Variants in TENM1 observed in about 807,000 individuals in gnomAD.
The protein encoded by TENM1 is teneurin transmembrane protein 1, also known as teneurin-1.
In TENM1, 35 loss-of-function variants were observed where a neutral mutation model predicts 174.8. The ratio of observed to expected loss-of-function variants is 0.20; its 90% CI spans 0.15 to 0.27. The LOEUF (loss-of-function observed/expected upper bound fraction) is 0.27. TENM1 is among the 10% of genes least tolerant of loss of function. TENM1 has a pLI of 1.00. For synonymous variants in TENM1, 781 were observed against 798.7 expected (o/e 0.98, Z 0.37); for missense variants, 1,633 against 2,130.1 (o/e 0.77, Z 4.59).
At chrX:124,677,229 T>C (rs1282063893) in intron 5 of TENM1, among the ~76,000 whole-genome samples, 2 of 111,267 alleles carry the variant, frequency 1.8e-5, no homozygotes, top group African/African-American at 6.5e-5. Context: ...GATCTTGGAC[T>C]ACCTACATTT....
chrX:124,724,477 A>T (rs1317748368), intron 4 of TENM1, among the ~76,000 whole-genome samples: 1 of 112,116 alleles, frequency 8.9e-6, no homozygotes, highest in Non-Finnish European at 1.9e-5. Context: ...AGGTTGCTAT[A>T]GTCTGAATGT....
At chrX:125,123,401 A>G in the TENM1 span, among the ~76,000 whole-genome samples, 1 of 105,688 alleles carries the variant, frequency 9.5e-6, no homozygotes, top group Non-Finnish European at 1.9e-5. Flanking sequence ...CCTGAGCAAC[A>G]TGACAAAACT....
chrX:125,072,593 G>A, the TENM1 span, among the ~76,000 whole-genome samples: 1 of 111,345 alleles, frequency 9.0e-6, no homozygotes, highest in Non-Finnish European at 1.9e-5. Context: ...AGTTTTGAGG[G>A]GTGTAATGAA....
chrX:125,111,378 G>T, the TENM1 span, among the ~76,000 whole-genome samples: 1 of 110,760 alleles, frequency 9.0e-6, no homozygotes, highest in South Asian at 3.8e-4. Flanking sequence ...AGACCAGCCT[G>T]CCCAACACAG....
the TENM1 span, among the ~76,000 whole-genome samples, chrX:125,048,330 A>T: frequency 1.0e-5 from 1 of 97,640 alleles, no homozygotes; most frequent in Non-Finnish European, 2.0e-5. Context: ...GTGTGACCAT[A>T]GCTCACTGCA....
intron 3 of TENM1, among the ~76,000 whole-genome samples, chrX:124,865,752 G>T (rs1203405097): frequency 1.8e-5 from 2 of 111,211 alleles, no homozygotes; most frequent in African/African-American, 6.5e-5. Flanking sequence ...TTGATCTGTT[G>T]CCTACAATAA....
intron 1 of TENM1, among the ~76,000 whole-genome samples, chrX:124,957,200 T>C (rs966355161): frequency 5.7e-4 from 50 of 87,602 alleles, no homozygotes; most frequent in African/African-American, 4.8e-3. Flanking sequence ...GATGGATAGA[T>C]GGATGGATGG....
intron 8 of TENM1, 80 bp from the exon 12 acceptor site, chrX:124,646,890 A>G (rs2051173810): frequency 1.5e-6 from 1 of 682,562 alleles, no homozygotes; most frequent in African/African-American, 2.2e-5. Flanking sequence ...AAGTTGCAGG[A>G]ACTCTGGACC....
intron 3 of TENM1, among the ~76,000 whole-genome samples, chrX:124,753,096 G>A (rs749722963): frequency 3.7e-5 from 4 of 109,225 alleles, no homozygotes; most frequent in Admixed American, 9.7e-5. Flanking sequence ...CCATTTTCAC[G>A]ATATTGATTC....
chrX:124,845,110 A>C (rs1464917143), intron 3 of TENM1, among the ~76,000 whole-genome samples: 3 of 112,277 alleles, frequency 2.7e-5, no homozygotes, highest in Admixed American at 1.9e-4. Flanking sequence ...TAAAATTTAA[A>C]AATTACATAT....
the TENM1 span, among the ~76,000 whole-genome samples, chrX:125,069,435 C>T: frequency 2.7e-5 from 3 of 111,583 alleles, no homozygotes; most frequent in South Asian, 3.8e-4. Context: ...GACTTTGCTA[C>T]GGTGAATAGT....
the TENM1 span, among the ~76,000 whole-genome samples, chrX:125,039,647 A>C: frequency 3.6e-5 from 4 of 111,734 alleles, no homozygotes; most frequent in East Asian, 1.1e-3. Context: ...GGATGCTGTT[A>C]TTTAGTGACC....
chrX:124,500,463 A>G (rs1410500087), intron 19 of TENM1, among the ~76,000 whole-genome samples: 4 of 111,854 alleles, frequency 3.6e-5, no homozygotes, highest in Non-Finnish European at 7.5e-5. Context: ...ATCTTGATCA[A>G]TTACTGCTGC....
chrX:124,590,746 TA>T (rs1258305022), intron 11 of TENM1, among the ~76,000 whole-genome samples: 1 of 112,177 alleles, frequency 8.9e-6, no homozygotes, highest in Non-Finnish European at 1.9e-5. Context: ...AGATGTCTAC[TA>T]GGTCCAATTG....
intron 4 of TENM1, among the ~76,000 whole-genome samples, chrX:124,722,292 C>G (rs1428048455): frequency 8.9e-6 from 1 of 112,002 alleles, no homozygotes; most frequent in Non-Finnish European, 1.9e-5. Context: ...TCTGTGCATA[C>G]ATATGTCACT....
the TENM1 span, among the ~76,000 whole-genome samples, chrX:125,079,716 A>G: frequency 9.0e-6 from 1 of 111,212 alleles, no homozygotes; most frequent in Admixed American, 9.6e-5. Context: ...TTTTCATGGG[A>G]TTGAGAAAAG....
intron 3 of TENM1, among the ~76,000 whole-genome samples, chrX:124,822,736 C>T (rs1033065756): frequency 2.7e-5 from 3 of 111,511 alleles, no homozygotes; most frequent in Non-Finnish European, 3.8e-5. Flanking sequence ...GCTTATTGAC[C>T]GAGCGAAGGA....
the TENM1 span, among the ~76,000 whole-genome samples, chrX:125,120,558 CT>C: frequency 9.0e-6 from 1 of 110,735 alleles, no homozygotes; most frequent in East Asian, 2.8e-4. Flanking sequence ...ACTAATTCTT[CT>C]TTACAATCAC....
the TENM1 span, among the ~76,000 whole-genome samples, chrX:125,054,533 TA>T: frequency 1.5e-4 from 17 of 110,586 alleles, no homozygotes; most frequent in African/African-American, 3.6e-4. Context: ...GCAGTCAGTT[TA>T]AAAAAAACCT....
Sources: gnomAD v4.1 joint callset for allele counts (sites outside exome capture counted in the v4.1 genomes callset) on GRCh38, gnomAD v4.1.1 for gene constraint, MANE v1.5 for transcripts, NCBI Gene and HGNC (gene_info 2026-07-23, HGNC 2026-07-21) for gene names.